The following PCDH9 variants were observed in gnomAD, a reference collection of about 807,000 sequenced individuals.
The protein encoded by PCDH9 is protocadherin-9.
PCDH9 carries 24 observed loss-of-function variants against 70.6 expected under a neutral mutation model. That is an observed-to-expected ratio of 0.34 (90% confidence interval 0.25 to 0.48). PCDH9 has a LOEUF of 0.48. PCDH9 is among the 20% of genes least tolerant of loss of function. PCDH9 has a pLI of 0.99. For missense variants in PCDH9, 1,281 were observed against 1,503.6 expected (o/e 0.85, Z 2.45); for synonymous variants, 562 against 558.5 (o/e 1.01, Z -0.09).
intron 2 of PCDH9, among the ~76,000 whole-genome samples, chr13:67,024,341 G>C (rs2084737437): frequency 6.6e-6 from 1 of 152,090 alleles, no homozygotes; most frequent in East Asian, 1.9e-4. Context: ...CAATGGCCAT[G>C]GGTCATCGTG....
At chr13:66,349,997 G>A (rs1956269013) in intron 4 of PCDH9, among the ~76,000 whole-genome samples, 1 of 151,964 alleles carries the variant, frequency 6.6e-6, no homozygotes, top group East Asian at 1.9e-4. Flanking sequence ...CTGAAGTTTG[G>A]CATTTCCAAG....
intron 4 of PCDH9, among the ~76,000 whole-genome samples, chr13:66,321,850 T>C (rs1365318663): frequency 6.6e-6 from 1 of 151,964 alleles, no homozygotes; most frequent in Non-Finnish European, 1.5e-5. Flanking sequence ...GTAGATGCTT[T>C]CTTTCTTGTC....
chr13:67,013,693 T>C (rs1167809268), intron 2 of PCDH9, among the ~76,000 whole-genome samples: 1 of 151,098 alleles, frequency 6.6e-6, no homozygotes, highest in African/African-American at 2.4e-5. Context: ...CATCCTTAAT[T>C]GGTTGTCCTT....
At chr13:66,764,786 A>T in intron 3 of PCDH9, among the ~76,000 whole-genome samples, 1 of 151,968 alleles carries the variant, frequency 6.6e-6, no homozygotes, top group Non-Finnish European at 1.5e-5. Context: ...TTAGATGCAC[A>T]CTGATTAAGA....
At chr13:67,130,691 T>G (rs529758206) in intron 2 of PCDH9, among the ~76,000 whole-genome samples, 9 of 152,068 alleles carry the variant, frequency 5.9e-5, no homozygotes, top group African/African-American at 2.2e-4. Context: ...TAGGAACATC[T>G]TATCAAACAA....
rs915744683 is a variant in PCDH9, at chr13:66,764,596, A to G, written c.3139-133185T>C. 1.3e-5 allele frequency among the ~76,000 whole-genome samples: 2 copies of G among 152,064 alleles called. 1 individual carries two copies. The highest frequency in any genetic ancestry group is 4.8e-5 in the African/African-American group (2 of 41,368). On this transcript the variant is annotated intron_variant, in intron 3 of 4. Transcript: ENST00000377865. ...TTTAGCTTTAAATTGTCTGGTTTCTAAGACAAAAAAGAACAAAAGTAAAGA... is the reference window on the plus strand; with the variant it reads ...TTTAGCTTTAAATTGTCTGGTTTCTGAGACAAAAAAGAACAAAAGTAAAGA...
At chr13:66,443,480 C>T (rs149854687) in intron 4 of PCDH9, among the ~76,000 whole-genome samples, 2,740 of 151,902 alleles carry the variant, frequency 0.018, 76 homozygotes, top group East Asian at 0.082. Context: ...TATTATATTC[C>T]AATAAACTAG....
At chr13:66,468,080 G>A (rs1003683711) in intron 4 of PCDH9, among the ~76,000 whole-genome samples, 2 of 151,922 alleles carry the variant, frequency 1.3e-5, no homozygotes, top group Admixed American at 1.3e-4. Context: ...GCTCCAGCTG[G>A]ATATCTAAAA....
chr13:66,524,080 T>C (rs1420196099), intron 4 of PCDH9, among the ~76,000 whole-genome samples: 1 of 152,024 alleles, frequency 6.6e-6, no homozygotes, highest in African/African-American at 2.4e-5. Flanking sequence ...ATAGTGGGAA[T>C]GGGCTTTAAT....
At chr13:66,890,767 T>C (rs79457815) in intron 3 of PCDH9, among the ~76,000 whole-genome samples, 1 of 152,088 alleles carries the variant, frequency 6.6e-6, no homozygotes, top group African/African-American at 2.4e-5. Context: ...GCTTAAAAAC[T>C]CTCCTGCCTT....
At chr13:66,906,689 A>T (rs2082366591) in intron 2 of PCDH9, among the ~76,000 whole-genome samples, 1 of 152,182 alleles carries the variant, frequency 6.6e-6, no homozygotes, top group Non-Finnish European at 1.5e-5. Flanking sequence ...ACTTTTTAAA[A>T]TTGAGTCTTT....
At chr13:66,613,658 T>C (rs769427305) in intron 4 of PCDH9, among the ~76,000 whole-genome samples, 18 of 152,162 alleles carry the variant, frequency 1.2e-4, no homozygotes, top group Non-Finnish European at 2.4e-4. Flanking sequence ...AGGTTAGATA[T>C]CTGCATGTTC....
intron 3 of PCDH9, among the ~76,000 whole-genome samples, chr13:66,897,412 T>A (rs1395915812): frequency 6.6e-6 from 1 of 152,160 alleles, no homozygotes; most frequent in Non-Finnish European, 1.5e-5. Context: ...GGAAGGGATG[T>A]CTAGTACCCT....
intron 4 of PCDH9, among the ~76,000 whole-genome samples, chr13:66,390,264 T>A (rs943081276): frequency 6.6e-6 from 1 of 152,128 alleles, no homozygotes; most frequent in East Asian, 1.9e-4. Context: ...ATCTGAGAGA[T>A]CAATGTGGAC....
intron 3 of PCDH9, among the ~76,000 whole-genome samples, chr13:66,837,348 T>C (rs79251459): frequency 0.033 from 5,040 of 152,258 alleles, 270 homozygotes; most frequent in African/African-American, 0.11. Flanking sequence ...AGTAAGGTAC[T>C]GTTAGTGGCT....
At chr13:66,617,906 C>T (rs1194979503) in intron 4 of PCDH9, among the ~76,000 whole-genome samples, 3 of 152,096 alleles carry the variant, frequency 2.0e-5, no homozygotes, top group African/African-American at 7.2e-5. Context: ...AGTTCTTCGT[C>T]CTTAACTGCA....
At chr13:67,058,570 G>T (rs150186428) in intron 2 of PCDH9, among the ~76,000 whole-genome samples, 1 of 152,006 alleles carries the variant, frequency 6.6e-6, no homozygotes, top group African/African-American at 2.4e-5. Flanking sequence ...TTTTCCTCCC[G>T]CCACAAAAGT....
At chr13:67,204,400 ACAT>A (rs770618782) in intron 2 of PCDH9, 8 of 152,168 alleles carry the variant, frequency 5.3e-5, no homozygotes, top group Non-Finnish European at 1.0e-4. Context: ...CTTGTCTACT[ACAT>A]CACCTCAGAA....
chr13:66,828,773 A>G (rs976294093), intron 3 of PCDH9, among the ~76,000 whole-genome samples: 7 of 151,416 alleles, frequency 4.6e-5, no homozygotes, highest in African/African-American at 7.3e-5. Flanking sequence ...GAGAATTACA[A>G]TGATTGCTCC....
Sources: allele counts gnomAD v4.1 joint callset (sites outside exome capture counted in the v4.1 genomes callset), GRCh38; gene constraint gnomAD v4.1.1; transcripts MANE v1.5; gene names NCBI Gene and HGNC (gene_info 2026-07-23, HGNC 2026-07-21).